Variants in GPC4 observed in about 807,000 individuals in gnomAD.
The protein encoded by GPC4 is glypican 4, also known as glypican-4.
GPC4 carries 10 observed loss-of-function variants against 35.0 expected under a neutral mutation model. That is an observed-to-expected ratio of 0.29 (90% CI 0.18 to 0.48). The LOEUF (loss-of-function observed/expected upper bound fraction) is 0.48. Ranked by LOEUF, GPC4 falls within the 20% of genes least tolerant of loss-of-function variation. The probability of loss-of-function intolerance (pLI) is 0.99; values close to 1 mark genes in which losing one functional copy is unlikely to be tolerated. For missense variants in GPC4, 322 were observed against 451.3 expected (o/e 0.71, Z 2.60); for synonymous variants, 167 against 170.2 (o/e 0.98, Z 0.15).
intron 1 of GPC4, among the ~76,000 whole-genome samples, chrX:133,356,029 G>C (rs1405419328): frequency 2.7e-5 from 3 of 111,633 alleles, no homozygotes; most frequent in Non-Finnish European, 5.6e-5. Flanking sequence ...CCAGCCTCCA[G>C]TATGTCTTTA....
intron 2 of GPC4, among the ~76,000 whole-genome samples, chrX:133,325,855 T>C (rs1473069609): frequency 1.8e-5 from 2 of 111,606 alleles, no homozygotes; most frequent in Non-Finnish European, 3.8e-5. Flanking sequence ...GGAAACTGAA[T>C]ACTTTTGCAG....
chrX:133,317,236 G>A (rs937352893), intron 3 of GPC4, among the ~76,000 whole-genome samples: 3 of 111,033 alleles, frequency 2.7e-5, no homozygotes. Context: ...GCCAATCTAT[G>A]TTTCATGATA....
chrX:133,313,429 T>C (rs1436137798), intron 3 of GPC4, among the ~76,000 whole-genome samples: 1 of 113,028 alleles, frequency 8.8e-6, no homozygotes, highest in African/African-American at 3.2e-5. Flanking sequence ...CCTAACTATG[T>C]ATTAATGTAC....
intron 1 of GPC4, among the ~76,000 whole-genome samples, chrX:133,384,410 T>C (rs574572876): frequency 1.8e-5 from 2 of 111,088 alleles, no homozygotes; most frequent in South Asian, 7.8e-4. Flanking sequence ...GTTCAAACTT[T>C]GAAAGAGGAA....
chrX:133,362,820 T>G (rs1276415237), intron 1 of GPC4, among the ~76,000 whole-genome samples: 1 of 112,029 alleles, frequency 8.9e-6, no homozygotes, highest in Non-Finnish European at 1.9e-5. Context: ...CCTCTCTGAG[T>G]GATGAATGAG....
At chrX:133,385,904 G>A (rs2068687066) in intron 1 of GPC4, among the ~76,000 whole-genome samples, 1 of 110,045 alleles carries the variant, frequency 9.1e-6, no homozygotes, top group Non-Finnish European at 1.9e-5. Context: ...CTAGGCAAGG[G>A]GACAGGACTG....
At chrX:133,408,239 T>C (rs1001868099) in intron 1 of GPC4, among the ~76,000 whole-genome samples, 1 of 112,486 alleles carries the variant, frequency 8.9e-6, no homozygotes, top group Non-Finnish European at 1.9e-5. Context: ...TTTATTTATA[T>C]AAAATATTCT....
At chrX:133,305,663 T>G in intron 6 of GPC4, 109 bp downstream of exon 6, 1 of 991,361 alleles carries the variant, frequency 1.0e-6, no homozygotes, top group Admixed American at 2.7e-5. Context: ...GCTTGAAAAG[T>G]GACACCTGAA....
At chrX:133,321,515 T>C (rs1407875699) in intron 3 of GPC4, among the ~76,000 whole-genome samples, 1 of 112,410 alleles carries the variant, frequency 8.9e-6, no homozygotes, top group Non-Finnish European at 1.9e-5. Context: ...AGCAAAGGGC[T>C]CTTGACTCTC....
At chrX:133,382,339 T>C (rs2068664425) in intron 1 of GPC4, among the ~76,000 whole-genome samples, 1 of 94,664 alleles carries the variant, frequency 1.1e-5, no homozygotes, top group South Asian at 5.3e-4. Flanking sequence ...GGCAGGAGAA[T>C]GGCGTGAACC....
intron 1 of GPC4, among the ~76,000 whole-genome samples, chrX:133,380,342 A>ACCACCC (rs1256728271): frequency 2.5e-5 from 2 of 80,146 alleles, no homozygotes; most frequent in African/African-American, 4.6e-5. Context: ...GTCTGCCCGC[A>ACCACCC]CCACCCCCAC....
intron 1 of GPC4, among the ~76,000 whole-genome samples, chrX:133,340,284 CTCTTA>C (rs1306789415): frequency 3.6e-5 from 4 of 110,798 alleles, no homozygotes; most frequent in African/African-American, 6.6e-5. Flanking sequence ...GATGTCTCTT[CTCTTA>C]TAATGACCAC....
At chrX:133,358,592 CA>C (rs1372368495) in intron 1 of GPC4, among the ~76,000 whole-genome samples, 3 of 111,999 alleles carry the variant, frequency 2.7e-5, no homozygotes, top group African/African-American at 9.7e-5. Context: ...TAAAAACAAA[CA>C]AACAAAAATT....
At chrX:133,307,620 CTT>C (rs1363548924) in intron 4 of GPC4, among the ~76,000 whole-genome samples, 2 of 111,850 alleles carry the variant, frequency 1.8e-5, no homozygotes. Context: ...CAAAAGGAGA[CTT>C]TTGTAAACAA....
intron 1 of GPC4, among the ~76,000 whole-genome samples, chrX:133,406,284 C>T (rs1402084104): frequency 8.9e-6 from 1 of 112,442 alleles, no homozygotes; most frequent in Non-Finnish European, 1.9e-5. Flanking sequence ...GTGGTTCACA[C>T]TTATATCTTG....
intron 1 of GPC4, chrX:133,414,498 G>A (rs952954120): frequency 1.2e-5 from 9 of 751,759 alleles, no homozygotes; most frequent in Admixed American, 8.8e-5. Flanking sequence ...TTCCCGGGAC[G>A]GCGAATAATG....
intron 1 of GPC4, among the ~76,000 whole-genome samples, chrX:133,388,192 C>G (rs753027214): frequency 8.9e-6 from 1 of 112,037 alleles, no homozygotes; most frequent in African/African-American, 3.2e-5. Flanking sequence ...AAAAGCTTCA[C>G]GGTGAAAAGA....
At chrX:133,377,121 A>T (rs964803352) in intron 1 of GPC4, among the ~76,000 whole-genome samples, 25 of 111,530 alleles carry the variant, frequency 2.2e-4, no homozygotes, top group African/African-American at 7.8e-4. Context: ...GACCCTCGGG[A>T]TGGGAGGCAT....
At chrX:133,354,039 T>C (rs2071011640) in intron 1 of GPC4, among the ~76,000 whole-genome samples, 1 of 111,759 alleles carries the variant, frequency 8.9e-6, no homozygotes, top group African/African-American at 3.3e-5. Context: ...AAATACAACC[T>C]CATTTGGAAA....
Sources: gnomAD v4.1 joint callset for allele counts (sites outside exome capture counted in the v4.1 genomes callset) on GRCh38, gnomAD v4.1.1 for gene constraint, MANE v1.5 for transcripts, NCBI Gene and HGNC (gene_info 2026-07-23, HGNC 2026-07-21) for gene names.